The following PTPRN2 variants were observed in gnomAD, a reference collection of about 807,000 sequenced individuals.
PTPRN2 encodes the protein receptor-type tyrosine-protein phosphatase N2.
A neutral mutation model predicts 118.8 loss-of-function variants in PTPRN2; 74 were observed. The ratio of observed to expected loss-of-function variants is 0.62; its 90% CI spans 0.52 to 0.76. The LOEUF (loss-of-function observed/expected upper bound fraction) is 0.76, where lower values mean the gene tolerates loss of function less well. Among genes scored for constraint, PTPRN2 ranks in the 30% least tolerant of loss-of-function variants. The pLI, the probability that PTPRN2 is intolerant of heterozygous loss-of-function variation, is 0.00. For synonymous variants in PTPRN2, 641 were observed against 608.0 expected (o/e 1.05, Z -0.80); for missense variants, 1,481 against 1,394.4 (o/e 1.06, Z -0.99).
chr7:157,559,812 C>T (rs908434502), intron 21 of PTPRN2, among the ~76,000 whole-genome samples: 1 of 152,170 alleles, frequency 6.6e-6, no homozygotes, highest in Admixed American at 6.5e-5. Context: ...CACAGCTGCC[C>T]CGACAGGGCT....
intron 3 of PTPRN2, among the ~76,000 whole-genome samples, chr7:158,287,667 G>C (rs1032987434): frequency 2.0e-5 from 3 of 151,992 alleles, no homozygotes; most frequent in Non-Finnish European, 4.4e-5. Flanking sequence ...TCTCATACCA[G>C]GATGTTCAGA....
intron 12 of PTPRN2, among the ~76,000 whole-genome samples, chr7:157,710,878 G>A (rs10247025): frequency 0.025 from 161 of 6,460 alleles, 9 homozygotes; most frequent in East Asian, 0.15. Flanking sequence ...CGGGGCAGCC[G>A]GGTTACACGC....
At chr7:158,374,098 G>A (rs1211552816) in intron 2 of PTPRN2, among the ~76,000 whole-genome samples, 2 of 152,174 alleles carry the variant, frequency 1.3e-5, no homozygotes, top group African/African-American at 2.4e-5. Context: ...TCTGACCCTC[G>A]CAGTGGCCCT....
intron 2 of PTPRN2, among the ~76,000 whole-genome samples, chr7:158,362,561 C>T (rs1259326915): frequency 1.3e-5 from 2 of 152,152 alleles, no homozygotes; most frequent in Admixed American, 6.6e-5. Flanking sequence ...ATTAGGTGTC[C>T]CCTCTGCAAG....
At chr7:158,397,863 C>G (rs1432548545) in intron 2 of PTPRN2, among the ~76,000 whole-genome samples, 1 of 120,412 alleles carries the variant, frequency 8.3e-6, no homozygotes, top group Non-Finnish European at 1.8e-5. Flanking sequence ...AAAGCACAAG[C>G]AGGGTGCCAC....
intron 9 of PTPRN2, among the ~76,000 whole-genome samples, chr7:158,128,659 A>G (rs1817898523): frequency 6.6e-6 from 1 of 152,142 alleles, no homozygotes. Context: ...ATTAGCAGCA[A>G]TGGCACAGGA....
At chr7:158,312,551 T>C (rs528544841) in intron 3 of PTPRN2, among the ~76,000 whole-genome samples, 1 of 149,478 alleles carries the variant, frequency 6.7e-6, no homozygotes, top group Non-Finnish European at 1.5e-5. Flanking sequence ...TGCTCCAGTG[T>C]AGACACCCAC....
At chr7:157,549,906 A>G (rs1798508870) in intron 21 of PTPRN2, among the ~76,000 whole-genome samples, 1 of 152,198 alleles carries the variant, frequency 6.6e-6, no homozygotes, top group Admixed American at 6.5e-5. Flanking sequence ...TGTCACCTCT[A>G]CCGAACACGG....
intron 10 of PTPRN2, among the ~76,000 whole-genome samples, chr7:158,106,012 C>T (rs1815655049): frequency 6.6e-6 from 1 of 151,986 alleles, no homozygotes; most frequent in Non-Finnish European, 1.5e-5. Flanking sequence ...TGAATTCCAT[C>T]CCCATCTCTC....
At chr7:158,357,549 G>A (rs111905374) in intron 2 of PTPRN2, among the ~76,000 whole-genome samples, 12 of 152,336 alleles carry the variant, frequency 7.9e-5, no homozygotes, top group Admixed American at 2.6e-4. Flanking sequence ...CATTTGCTGC[G>A]CAGCCCAGGC....
chr7:157,639,539 G>A (rs930348079), intron 14 of PTPRN2, among the ~76,000 whole-genome samples: 1 of 152,252 alleles, frequency 6.6e-6, no homozygotes, highest in Non-Finnish European at 1.5e-5. Flanking sequence ...GGCACAGTCA[G>A]CCTTTCACAG....
At chr7:158,249,005 A>C (rs1274502062) in intron 3 of PTPRN2, among the ~76,000 whole-genome samples, 2 of 151,612 alleles carry the variant, frequency 1.3e-5, no homozygotes, top group Non-Finnish European at 2.9e-5. Flanking sequence ...TCACACATGC[A>C]GCACATATGT....
At chr7:158,580,516 C>T (rs1040849147) in intron 1 of PTPRN2, among the ~76,000 whole-genome samples, 3 of 152,156 alleles carry the variant, frequency 2.0e-5, no homozygotes, top group African/African-American at 7.2e-5. Flanking sequence ...TGACGGAGCA[C>T]CCACATCACA....
At position 157,872,471 on chromosome 7, in the gene PTPRN2, C is replaced by T. The variant is rs559705476; in HGVS notation, c.1788+26202G>A. ...TCCCCACACACGCATATCCAGTGTC[C>T]TCCCCACACACGCATATCCAGTGTC... On this transcript the variant is annotated intron_variant, in intron 12 of 22. Transcript: ENST00000389418. Among the ~76,000 whole-genome samples the T allele has an allele frequency of 3.1e-3, 462 of 149,746 alleles. 9 individuals are homozygous for T. The highest frequency in any genetic ancestry group is 0.011 in the African/African-American group (426 of 39,576).
rs1392189640 is a variant in PTPRN2 at position 157,996,609 on chromosome 7, T to C, written c.1723+84689A>G. 4.6e-5 allele frequency among the ~76,000 whole-genome samples: 7 copies of C among 152,204 alleles called. No individual in the cohort carries two copies. The East Asian group carries it at 1.4e-3, about 29-fold the overall frequency. Reference sequence around the variant, plus strand: ...GTCCCCCATGCCTGTTGGAGGGTGGTGTGGGTTTGCTCTGGCTGGTGTGGA... The same window carrying C: ...GTCCCCCATGCCTGTTGGAGGGTGGCGTGGGTTTGCTCTGGCTGGTGTGGA... On this transcript the variant is annotated intron_variant, in intron 11 of 22. Coordinates refer to ENST00000389418, the MANE Select transcript of PTPRN2 (RefSeq NM_002847.5).
At chr7:157,680,353 T>G in intron 13 of PTPRN2, among the ~76,000 whole-genome samples, 1 of 147,172 alleles carries the variant, frequency 6.8e-6, no homozygotes, top group East Asian at 1.9e-4. Flanking sequence ...TCCTGAAATT[T>G]GTTTTATGTT....
intron 12 of PTPRN2, among the ~76,000 whole-genome samples, chr7:157,745,026 G>T (rs558070559): frequency 6.6e-6 from 1 of 152,176 alleles, no homozygotes. Flanking sequence ...CGAGGACTAC[G>T]GGTGTCTGAG....
At chr7:158,062,199 G>C (rs1353811498) in intron 11 of PTPRN2, among the ~76,000 whole-genome samples, 1 of 152,262 alleles carries the variant, frequency 6.6e-6, no homozygotes, top group Non-Finnish European at 1.5e-5. Flanking sequence ...CGTTGGCCCA[G>C]TTCACAGATG....
At chr7:158,440,444 ATGG>A (rs1202241163) in intron 2 of PTPRN2, among the ~76,000 whole-genome samples, 2 of 146,088 alleles carry the variant, frequency 1.4e-5, no homozygotes, top group Admixed American at 6.7e-5. Flanking sequence ...GGTGGTGATG[ATGG>A]TGGTAATGGT....
Sources: gnomAD v4.1 joint callset for allele counts (sites outside exome capture counted in the v4.1 genomes callset) on GRCh38, gnomAD v4.1.1 for gene constraint, MANE v1.5 for transcripts, NCBI Gene and HGNC (gene_info 2026-07-23, HGNC 2026-07-21) for gene names.